Variants in THSD7A observed in about 807,000 individuals in gnomAD.
THSD7A encodes thrombospondin type 1 domain containing 7A, also known as thrombospondin type-1 domain-containing protein 7A.
In THSD7A, 96 loss-of-function variants were observed where a neutral mutation model predicts 231.3. The observed-to-expected ratio is 0.41, with a 90% CI of 0.35 to 0.49. The LOEUF (loss-of-function observed/expected upper bound fraction) is 0.49. Among genes scored for constraint, THSD7A ranks in the 20% least tolerant of loss-of-function variants. THSD7A has a pLI of 0.05. For synonymous variants in THSD7A, 940 were observed against 743.3 expected (o/e 1.26, Z -4.30); for missense variants, 2,290 against 2,070.2 (o/e 1.11, Z -2.06).
chr7:11,731,682 A>C (rs1387333953), intron 1 of THSD7A, among the ~76,000 whole-genome samples: 1 of 151,630 alleles, frequency 6.6e-6, no homozygotes, highest in East Asian at 1.9e-4. Context: ...GGCAGCAATC[A>C]ATGCACCTAT....
intron 1 of THSD7A, among the ~76,000 whole-genome samples, chr7:11,724,387 CT>C: frequency 6.6e-6 from 1 of 151,922 alleles, no homozygotes; most frequent in South Asian, 2.1e-4. Context: ...TTAAACACTT[CT>C]AAGTAATTCC....
At position 11,636,201 on chromosome 7, in the gene THSD7A, C is replaced by G; in HGVS notation, c.951G>C (p.Trp317Cys). ...TGGTCTGATATCCAATCTGGATGTC[C>G]CAATATTTGTTCTCTTGTCTGTTCT... ...NRQNRQENKY[W>C]DIQIGYQTRE... Residue 317 changes from tryptophan to cysteine, a missense_variant, in exon 2 of 28, where the codon TGG (tryptophan) becomes TGC (cysteine). Transcript: ENST00000423059. The surrounding 1 kb of genome is among the most constrained non-coding windows in gnomAD (Gnocchi z 10.0). 1 of 1,613,928 alleles carries G rather than the reference C, an allele frequency of 6.2e-7. No individual in the cohort carries two copies. Among genetic ancestry groups the G allele is most frequent in the Non-Finnish European group, 8.5e-7 (1 of 1,179,878 alleles).
chr7:11,717,669 G>C (rs374806461), intron 1 of THSD7A, among the ~76,000 whole-genome samples: 3 of 151,584 alleles, frequency 2.0e-5, no homozygotes, highest in Admixed American at 1.3e-4. Context: ...CAAAGTATGA[G>C]GGAGCCCATT....
intron 6 of THSD7A, among the ~76,000 whole-genome samples, chr7:11,502,953 A>G (rs1323038850): frequency 6.6e-6 from 1 of 152,170 alleles, no homozygotes; most frequent in Non-Finnish European, 1.5e-5. Context: ...ATTCTTCTAG[A>G]AAAAATTATT....
intron 2 of THSD7A, among the ~76,000 whole-genome samples, chr7:11,594,063 A>T (rs147941349): frequency 1.3e-5 from 2 of 152,170 alleles, no homozygotes; most frequent in African/African-American, 4.8e-5. Flanking sequence ...TCAGCTGCCA[A>T]TGCGGCTAGA....
At chr7:11,796,224 T>A (rs5018924) in intron 1 of THSD7A, among the ~76,000 whole-genome samples, 78,375 of 149,946 alleles carry the variant, frequency 0.52, 21,046 homozygotes, top group Middle Eastern at 0.65. Context: ...TGTATATAAT[T>A]CTAGACCCTT....
At position 11,447,349 on chromosome 7, in the gene THSD7A, G is replaced by T. The variant is rs745890373; in HGVS notation, c.2681C>A (p.Ala894Asp). ...ECLQYAGPVPALTQACQIPCQ... is the reference protein window; with the variant it reads ...ECLQYAGPVPDLTQACQIPCQ... ...GGGGATCTGGCAGGCCTGGGTAAGG[G>T]CTGGCACAGGGCCTGCATACTGTAG... The change falls in exon 12 of 28, where the codon GCC becomes GAC. Residue 894 changes from alanine (A) to aspartate (D), a missense_variant. Transcript: ENST00000423059. The T allele has an allele frequency of 1.9e-6, 3 of 1,612,370 alleles. No individual in the cohort carries two copies. The highest frequency in any genetic ancestry group is 2.5e-6 in the Non-Finnish European group (3 of 1,179,222).
At chr7:11,453,347 C>T (rs1362695434) in intron 11 of THSD7A, among the ~76,000 whole-genome samples, 3 of 147,146 alleles carry the variant, frequency 2.0e-5, no homozygotes, top group Non-Finnish European at 3.0e-5. Flanking sequence ...TTTAAGGACT[C>T]TCCTTTTGTA....
intron 1 of THSD7A, among the ~76,000 whole-genome samples, chr7:11,656,337 G>A (rs1782703743): frequency 6.6e-6 from 1 of 151,644 alleles, no homozygotes; most frequent in Admixed American, 6.6e-5. Flanking sequence ...ATTTTTACAG[G>A]AATCAGTTCC....
In THSD7A at chr7:11,831,105, T is replaced by C. The variant is rs998906535; in HGVS notation, c.190+652A>G. Among the ~76,000 whole-genome samples the C allele has an allele frequency of 2.0e-5, 3 of 152,202 alleles. No individual in the cohort carries two copies. Among genetic ancestry groups the C allele is most frequent in the Non-Finnish European group, 4.4e-5 (3 of 68,034 alleles). The stretch of plus-strand genomic sequence containing the variant: ...GATGGGCAGTTAGTAGCTGCTTTTG[T>C]TGGGTGGTTGAAAAACAAAGCAAAA... On this transcript the variant is annotated intron_variant, in intron 1 of 27. Transcript: ENST00000423059. This position sits in a 1 kb window ranked among gnomAD's most constrained non-coding sequence, Gnocchi z 5.0.
At chr7:11,747,726 T>C (rs931731239) in intron 1 of THSD7A, among the ~76,000 whole-genome samples, 1 of 151,806 alleles carries the variant, frequency 6.6e-6, no homozygotes, top group Non-Finnish European at 1.5e-5. Flanking sequence ...AAAAGGGGTG[T>C]TTGTGTGGCT....
intron 6 of THSD7A, among the ~76,000 whole-genome samples, chr7:11,523,450 G>A (rs932377921): frequency 1.3e-5 from 2 of 151,864 alleles, no homozygotes; most frequent in Non-Finnish European, 2.9e-5. Context: ...TGGAGGTGGG[G>A]GTACACCGAA....
At chr7:11,528,854 G>A (rs1446627487) in intron 6 of THSD7A, among the ~76,000 whole-genome samples, 2 of 151,706 alleles carry the variant, frequency 1.3e-5, no homozygotes, top group African/African-American at 4.8e-5. Context: ...CTTTTTTTTT[G>A]AAGATATATT....
intron 6 of THSD7A, among the ~76,000 whole-genome samples, chr7:11,509,656 T>TAAAAATAC (rs987039136): frequency 4.0e-5 from 6 of 150,306 alleles, no homozygotes; most frequent in African/African-American, 1.5e-4. Context: ...CCGTCTCTAT[T>TAAAAATAC]AAAAATACAA....
intron 1 of THSD7A, among the ~76,000 whole-genome samples, chr7:11,734,323 C>T (rs1781835800): frequency 6.6e-6 from 1 of 151,916 alleles, no homozygotes; most frequent in Non-Finnish European, 1.5e-5. Flanking sequence ...CAAAAATTTC[C>T]TGGATCTCTA....
intron 1 of THSD7A, among the ~76,000 whole-genome samples, chr7:11,750,937 A>C (rs546700147): frequency 6.6e-6 from 1 of 152,134 alleles, no homozygotes; most frequent in East Asian, 1.9e-4. Flanking sequence ...AATTTCAGTT[A>C]AGGGGTAAGA....
Position 11,586,670 on chromosome 7 carries a change from G to A in THSD7A, c.1453+3790C>T, listed in dbSNP as rs188719318. 1.1e-4 allele frequency among the ~76,000 whole-genome samples: 16 copies of A among 152,220 alleles called. No homozygotes were observed. In the South Asian group the frequency reaches 1.2e-3, roughly 12 times the overall value. On this transcript the variant is annotated intron_variant, in intron 4 of 27. Coordinates refer to ENST00000423059, the MANE Select transcript of THSD7A (RefSeq NM_015204.3). ...TAAAGTGGGTTTATGTGTGGAAACCGTAGACAAAATATAGTGATAAATAAT... is the reference window on the plus strand; with the variant it reads ...TAAAGTGGGTTTATGTGTGGAAACCATAGACAAAATATAGTGATAAATAAT...
intron 4 of THSD7A, among the ~76,000 whole-genome samples, chr7:11,544,797 A>C (rs1789306214): frequency 6.6e-6 from 1 of 150,968 alleles, no homozygotes; most frequent in Non-Finnish European, 1.5e-5. Flanking sequence ...CTCTCTCCAC[A>C]TCTCCCCCGC....
chr7:11,489,953 C>T (rs1430306114), intron 6 of THSD7A, among the ~76,000 whole-genome samples: 1 of 152,036 alleles, frequency 6.6e-6, no homozygotes, highest in Non-Finnish European at 1.5e-5. Context: ...GGAGTCTTCA[C>T]AGTATGATAC....
Sources: gnomAD v4.1 joint callset for allele counts (sites outside exome capture counted in the v4.1 genomes callset) on GRCh38, gnomAD v4.1.1 for gene constraint, Gnocchi (gnomAD v3.1) non-coding constraint, MANE v1.5 for transcripts, NCBI Gene and HGNC (gene_info 2026-07-23, HGNC 2026-07-21) for gene names.